EXOC6B: variants seen among roughly 807,000 people sequenced by gnomAD.
The protein encoded by EXOC6B is exocyst complex component 6B.
A neutral mutation model predicts 113.5 loss-of-function variants in EXOC6B; 54 were observed. That is an observed-to-expected ratio of 0.48 (90% CI 0.38 to 0.60). The LOEUF (loss-of-function observed/expected upper bound fraction) is 0.60, where lower values mean the gene tolerates loss of function less well. Ranked by LOEUF, EXOC6B falls within the 20% of genes least tolerant of loss-of-function variation. EXOC6B has a pLI of 0.00. For synonymous variants in EXOC6B, 357 were observed against 339.0 expected, an observed-to-expected ratio of 1.05 and a Z score of -0.58; for missense variants, 797 against 977.5, an observed-to-expected ratio of 0.82 and a Z score of 2.46.
chr2:72,342,228 C>G (rs1289671276), intron 19 of EXOC6B, among the ~76,000 whole-genome samples: 1 of 151,524 alleles, frequency 6.6e-6, no homozygotes, highest in Non-Finnish European at 1.5e-5. Flanking sequence ...CAAAAAGAAC[C>G]AACTAAGCAC....
chr2:72,251,328 G>T (rs2104546710), intron 20 of EXOC6B, among the ~76,000 whole-genome samples: 1 of 152,230 alleles, frequency 6.6e-6, no homozygotes, highest in Non-Finnish European at 1.5e-5. Context: ...ACATTATAAT[G>T]ATCTAAAAGA....
intron 6 of EXOC6B, among the ~76,000 whole-genome samples, chr2:72,659,036 T>C (rs1362716450): frequency 6.6e-6 from 1 of 152,174 alleles, no homozygotes; most frequent in Non-Finnish European, 1.5e-5. Flanking sequence ...ACCATATTAC[T>C]GTTCATTTAA....
At chr2:72,239,779 C>T (rs1402778312) in intron 20 of EXOC6B, among the ~76,000 whole-genome samples, 1 of 152,154 alleles carries the variant, frequency 6.6e-6, no homozygotes, top group Non-Finnish European at 1.5e-5. Flanking sequence ...GTCTACCAAT[C>T]CATGAGCATG....
chr2:72,648,576 T>C lies in EXOC6B; in HGVS notation c.669+69527A>G, dbSNP rs535453794. On this transcript the variant is annotated intron_variant, in intron 6 of 21. Transcript: ENST00000272427. ...CTGGATTAAGAAAATGTGGCACATA[T>C]ACACCACAGAATACTATGCACTCCC... is the stretch of plus-strand genomic sequence containing the variant. Among the ~76,000 whole-genome samples the C allele has an allele frequency of 4.6e-5, 7 of 152,284 alleles. No homozygotes were observed. The South Asian group carries it at 1.5e-3, about 32-fold the overall frequency.
intron 18 of EXOC6B, among the ~76,000 whole-genome samples, chr2:72,446,734 C>T (rs997046534): frequency 3.9e-5 from 6 of 152,074 alleles, no homozygotes; most frequent in African/African-American, 1.4e-4. Flanking sequence ...ACAAGTTTAC[C>T]TACATAACAA....
intron 18 of EXOC6B, among the ~76,000 whole-genome samples, chr2:72,390,398 G>T (rs898739973): frequency 6.6e-6 from 1 of 152,088 alleles, no homozygotes; most frequent in African/African-American, 2.4e-5. Flanking sequence ...GTCATGTTTG[G>T]ATGTTTATAT....
intron 20 of EXOC6B, among the ~76,000 whole-genome samples, chr2:72,281,439 A>G (rs943080350): frequency 6.6e-6 from 1 of 152,336 alleles, no homozygotes; most frequent in South Asian, 2.1e-4. Context: ...TAAAATACAG[A>G]ATTTCACCAC....
At chr2:72,180,308 T>A (rs1309124506) in intron 21 of EXOC6B, among the ~76,000 whole-genome samples, 3 of 152,176 alleles carry the variant, frequency 2.0e-5, no homozygotes, top group Non-Finnish European at 4.4e-5. Flanking sequence ...CTGGGAAACA[T>A]GGACAAGAAA....
intron 18 of EXOC6B, among the ~76,000 whole-genome samples, chr2:72,449,251 C>T (rs1407084992): frequency 6.6e-6 from 1 of 151,802 alleles, no homozygotes; most frequent in Admixed American, 6.6e-5. Context: ...GGTGCGATCT[C>T]GGCTCGCTGC....
chr2:72,766,636 A>G (rs1289228043), intron 1 of EXOC6B, among the ~76,000 whole-genome samples: 1 of 152,084 alleles, frequency 6.6e-6, no homozygotes, highest in Non-Finnish European at 1.5e-5. Context: ...TAGATGGTTT[A>G]CCAGCAAATA....
chr2:72,724,769 T>C (rs895815969), intron 5 of EXOC6B, among the ~76,000 whole-genome samples: 89 of 152,216 alleles, frequency 5.8e-4, no homozygotes, highest in Admixed American at 5.9e-4. Context: ...ATGAAAAATA[T>C]ATTATCTGCA....
chr2:72,268,068 T>C (rs935463697), intron 20 of EXOC6B, among the ~76,000 whole-genome samples: 4 of 152,196 alleles, frequency 2.6e-5, no homozygotes, highest in Non-Finnish European at 5.9e-5. Flanking sequence ...CATATTAATA[T>C]AATGGAAGAC....
intron 18 of EXOC6B, among the ~76,000 whole-genome samples, chr2:72,401,751 G>A (rs1693348738): frequency 7.2e-6 from 1 of 138,314 alleles, no homozygotes; most frequent in Non-Finnish European, 1.5e-5. Context: ...TATCTTAAGT[G>A]AAATTACTCA....
intron 1 of EXOC6B, among the ~76,000 whole-genome samples, chr2:72,824,745 G>A (rs1201440896): frequency 2.6e-5 from 4 of 152,152 alleles, no homozygotes; most frequent in Admixed American, 1.3e-4. Context: ...AGGATGAGTT[G>A]GTTCTAGGAC....
At chr2:72,363,635 A>G (rs1236685105) in intron 19 of EXOC6B, among the ~76,000 whole-genome samples, 1 of 151,870 alleles carries the variant, frequency 6.6e-6, no homozygotes, top group African/African-American at 2.4e-5. Flanking sequence ...TGACAAAAAT[A>G]GGAGCAGCTA....
rs533451376 is a variant in EXOC6B, at chr2:72,486,342, C to T, written c.1666-5592G>A. On this transcript the variant is annotated intron_variant, in intron 16 of 21. Transcript: ENST00000272427. Reference sequence around the variant, plus strand: ...CGAGATCAGGCCACTGCACTCCAGCCTGAGAGACAGAATGAGACTCCATCT... The same window carrying T: ...CGAGATCAGGCCACTGCACTCCAGCTTGAGAGACAGAATGAGACTCCATCT... Among the ~76,000 whole-genome samples the T allele has an allele frequency of 7.9e-5, 12 of 151,022 alleles. No homozygotes were observed. In the East Asian group the frequency reaches 2.3e-3, roughly 29 times the overall value.
intron 18 of EXOC6B, among the ~76,000 whole-genome samples, chr2:72,384,108 T>C (rs1691852491): frequency 6.6e-6 from 1 of 152,050 alleles, no homozygotes; most frequent in Non-Finnish European, 1.5e-5. Context: ...GACATGAGTA[T>C]ACCTATATAA....
At chr2:72,701,852 T>G (rs917594564) in intron 6 of EXOC6B, among the ~76,000 whole-genome samples, 3 of 152,088 alleles carry the variant, frequency 2.0e-5, no homozygotes, top group African/African-American at 7.2e-5. Flanking sequence ...AATGTTCTAC[T>G]TCCCTTCCAG....
chr2:72,665,093 G>C (rs536051041), intron 6 of EXOC6B, among the ~76,000 whole-genome samples: 3 of 152,270 alleles, frequency 2.0e-5, no homozygotes, highest in African/African-American at 7.2e-5. Flanking sequence ...CCGCAGGGCC[G>C]GTCTGGGAAG....
Sources: gnomAD v4.1 joint callset for allele counts (sites outside exome capture counted in the v4.1 genomes callset) on GRCh38, gnomAD v4.1.1 for gene constraint, MANE v1.5 for transcripts, NCBI Gene and HGNC (gene_info 2026-07-23, HGNC 2026-07-21) for gene names.